Variants in MARCHF1 observed in about 807,000 individuals in gnomAD.
MARCHF1 encodes E3 ubiquitin-protein ligase MARCHF1.
In MARCHF1, 40 loss-of-function variants were observed where a neutral mutation model predicts 54.2. The ratio of observed to expected loss-of-function variants is 0.74; its 90% CI spans 0.57 to 0.96. MARCHF1 has a LOEUF of 0.96. Among genes scored for constraint, MARCHF1 ranks in the 40% least tolerant of loss-of-function variants. The probability of loss-of-function intolerance (pLI) is 0.00; values close to 1 mark genes in which losing one functional copy is unlikely to be tolerated. For synonymous variants in MARCHF1, 236 were observed against 236.3 expected (o/e 1.00, Z 0.01); for missense variants, 586 against 656.5 (o/e 0.89, Z 1.17).
intron 1 of MARCHF1, among the ~76,000 whole-genome samples, chr4:164,122,644 G>A (rs1327412181): frequency 2.0e-5 from 3 of 151,866 alleles, no homozygotes; most frequent in African/African-American, 7.3e-5. Context: ...TTTCTGCTGG[G>A]AGACCCCTCT....
chr4:164,063,277 G>A (rs1207419973), intron 2 of MARCHF1, among the ~76,000 whole-genome samples: 1 of 152,204 alleles, frequency 6.6e-6, no homozygotes, highest in African/African-American at 2.4e-5. Flanking sequence ...ATCTCTCCAG[G>A]TATGAAAGTC....
intron 4 of MARCHF1, among the ~76,000 whole-genome samples, chr4:163,742,964 C>A (rs535546381): frequency 2.8e-4 from 43 of 152,208 alleles, no homozygotes; most frequent in African/African-American, 1.0e-3. Flanking sequence ...GAATTGAATT[C>A]TTTGAATGGT....
intron 8 of MARCHF1, among the ~76,000 whole-genome samples, chr4:163,571,911 T>G (rs79761451): frequency 2.5e-3 from 383 of 152,240 alleles, no homozygotes; most frequent in African/African-American, 8.9e-3. Context: ...CTTTACTCAC[T>G]TGCCAACAAC....
At chr4:163,901,748 A>G (rs34652676) in intron 3 of MARCHF1, among the ~76,000 whole-genome samples, 26,293 of 152,114 alleles carry the variant, frequency 0.17, 2,859 homozygotes, top group South Asian at 0.32. Context: ...AGTTTTTGCA[A>G]AATTTATGGA....
At chr4:164,088,293 G>C (rs899968727) in intron 2 of MARCHF1, among the ~76,000 whole-genome samples, 18 of 152,218 alleles carry the variant, frequency 1.2e-4, no homozygotes, top group Admixed American at 1.1e-3. Flanking sequence ...GAGAAGTAAA[G>C]TTTGATAATT....
chr4:163,859,278 T>C (rs1749855042), intron 3 of MARCHF1, among the ~76,000 whole-genome samples: 5 of 151,834 alleles, frequency 3.3e-5, no homozygotes, highest in African/African-American at 9.7e-5. Context: ...CCTTGTAAGG[T>C]GGCATGATGG....
intron 7 of MARCHF1, among the ~76,000 whole-genome samples, chr4:163,607,298 C>A (rs1741176399): frequency 6.6e-6 from 1 of 151,892 alleles, no homozygotes; most frequent in Non-Finnish European, 1.5e-5. Flanking sequence ...TAGAGAAGGA[C>A]TAGAATGGAA....
chr4:163,815,647 G>T (rs1166408375), intron 4 of MARCHF1, among the ~76,000 whole-genome samples: 6 of 152,032 alleles, frequency 3.9e-5, no homozygotes, highest in Non-Finnish European at 8.8e-5. Flanking sequence ...TGTGCTTACT[G>T]TTCCATACAG....
At chr4:164,022,414 A>G (rs1426076137) in intron 2 of MARCHF1, among the ~76,000 whole-genome samples, 1 of 152,194 alleles carries the variant, frequency 6.6e-6, no homozygotes, top group Non-Finnish European at 1.5e-5. Flanking sequence ...GAGAGCTGAC[A>G]CAGAAACCAA....
chr4:163,806,166 T>C (rs1311565420), intron 4 of MARCHF1, among the ~76,000 whole-genome samples: 5 of 152,152 alleles, frequency 3.3e-5, no homozygotes, highest in Non-Finnish European at 5.9e-5. Context: ...TATTGGGAAA[T>C]AAACATGCTG....
At chr4:163,980,032 G>A (rs1451976907) in intron 3 of MARCHF1, among the ~76,000 whole-genome samples, 2 of 150,856 alleles carry the variant, frequency 1.3e-5, no homozygotes, top group Non-Finnish European at 3.0e-5. Context: ...AGTTCATATG[G>A]AACCAAAAAA....
intron 2 of MARCHF1, among the ~76,000 whole-genome samples, chr4:164,067,280 C>T (rs899544648): frequency 1.3e-5 from 2 of 151,948 alleles, no homozygotes; most frequent in African/African-American, 4.8e-5. Flanking sequence ...GTCCAAATAG[C>T]CAAAATAATT....
chr4:163,829,095 C>T (rs947567769), intron 4 of MARCHF1: 1 of 152,092 alleles, frequency 6.6e-6, no homozygotes, highest in Admixed American at 6.6e-5. Flanking sequence ...AATATCACAG[C>T]CAGAAATCCT....
intron 8 of MARCHF1, among the ~76,000 whole-genome samples, chr4:163,573,566 G>C (rs1041783412): frequency 2.2e-4 from 33 of 148,752 alleles, no homozygotes; most frequent in Non-Finnish European, 3.3e-4. Flanking sequence ...CGCGGTGTTT[G>C]GTTTTTTGTT....
At chr4:163,884,351 C>T (rs1440695658) in intron 3 of MARCHF1, among the ~76,000 whole-genome samples, 2 of 152,210 alleles carry the variant, frequency 1.3e-5, no homozygotes, top group African/African-American at 4.8e-5. Flanking sequence ...TAAATATGAG[C>T]TGTTTCCTTT....
intron 7 of MARCHF1, among the ~76,000 whole-genome samples, chr4:163,593,571 CT>C (rs1181205413): frequency 1.3e-5 from 2 of 151,924 alleles, no homozygotes; most frequent in South Asian, 2.1e-4. Context: ...ATTTTCTGAT[CT>C]TTTTTTTGTG....
rs1292807908 is a variant in MARCHF1, at chr4:163,958,944, G to A, written c.-39+29557C>T. Among the ~76,000 whole-genome samples, 3 of 151,914 alleles carry A rather than the reference G, an allele frequency of 2.0e-5. No individual in the cohort carries two copies. The South Asian group carries it at 6.2e-4, about 31-fold the overall frequency. On this transcript the variant is annotated intron_variant, in intron 3 of 9. Transcript: ENST00000514618. ...AGAGGGAACTCATCTACCACGGAAA[G>A]CTGTCTAGACCATCTGTTCTCACTG...
chr4:163,601,521 A>G, intron 7 of MARCHF1, among the ~76,000 whole-genome samples: 1 of 152,096 alleles, frequency 6.6e-6, no homozygotes, highest in East Asian at 1.9e-4. Context: ...TAAATTAAGA[A>G]GTAGATAAAC....
At chr4:164,211,317 G>C (rs1237119689) in intron 1 of MARCHF1, among the ~76,000 whole-genome samples, 2 of 101,514 alleles carry the variant, frequency 2.0e-5, no homozygotes, top group Admixed American at 2.4e-4. Flanking sequence ...ACCTGCATAT[G>C]TGTATGTATG....
Sources: gnomAD v4.1 joint callset for allele counts (sites outside exome capture counted in the v4.1 genomes callset) on GRCh38, gnomAD v4.1.1 for gene constraint, MANE v1.5 for transcripts, NCBI Gene and HGNC (gene_info 2026-07-23, HGNC 2026-07-21) for gene names.